RASSF5: variants seen among roughly 807,000 people sequenced by gnomAD.
The protein encoded by RASSF5 is ras association domain-containing protein 5.
RASSF5 carries 25 observed loss-of-function variants against 40.5 expected under a neutral mutation model. The ratio of observed to expected loss-of-function variants is 0.62; its 90% CI spans 0.45 to 0.86. The LOEUF (loss-of-function observed/expected upper bound fraction) is 0.86. Among genes scored for constraint, RASSF5 ranks in the 40% least tolerant of loss-of-function variants. RASSF5 has a pLI of 0.00. For synonymous variants in RASSF5, 246 were observed against 252.4 expected, an observed-to-expected ratio of 0.97 and a Z score of 0.24; for missense variants, 521 against 572.8, an observed-to-expected ratio of 0.91 and a Z score of 0.92.
chr1:206,581,553 C>T (rs1452555947), intron 2 of RASSF5, among the ~76,000 whole-genome samples: 2 of 151,296 alleles, frequency 1.3e-5, no homozygotes, highest in East Asian at 1.9e-4. Context: ...CAGCCAAGAT[C>T]GTGCCACTGC....
intron 1 of RASSF5, among the ~76,000 whole-genome samples, chr1:206,515,565 C>T (rs1351621638): frequency 6.6e-6 from 1 of 152,156 alleles, no homozygotes; most frequent in African/African-American, 2.4e-5. Context: ...CTAGAGGGGA[C>T]AGCTAGGGTG....
chr1:206,556,436 A>T (rs1667988374), intron 2 of RASSF5, among the ~76,000 whole-genome samples: 1 of 152,236 alleles, frequency 6.6e-6, no homozygotes, highest in African/African-American at 2.4e-5. Flanking sequence ...AATTGTCTTA[A>T]CTGCTTTGAA....
intron 1 of RASSF5, among the ~76,000 whole-genome samples, chr1:206,525,546 C>G (rs1667077704): frequency 6.6e-6 from 1 of 152,154 alleles, no homozygotes; most frequent in African/African-American, 2.4e-5. Context: ...GTAGCTGGGC[C>G]TACAGGCACA....
intron 2 of RASSF5, among the ~76,000 whole-genome samples, chr1:206,580,191 G>A (rs1252969640): frequency 1.3e-5 from 2 of 152,200 alleles, no homozygotes; most frequent in Non-Finnish European, 2.9e-5. Flanking sequence ...AAGGGGAACA[G>A]GAAGAAGAAA....
intron 2 of RASSF5, among the ~76,000 whole-genome samples, chr1:206,556,372 C>T (rs188891690): frequency 6.7e-4 from 102 of 152,344 alleles, no homozygotes; most frequent in African/African-American, 2.4e-3. Context: ...ATCACTTGCA[C>T]AGAGAGTTGT....
In RASSF5 at chr1:206,579,333, C is replaced by T. The variant is rs111556326; in HGVS notation, c.580-3936C>T. Among the ~76,000 whole-genome samples, 2,762 of 152,258 alleles carry T rather than the reference C, an allele frequency of 0.018. 86 individuals carry two copies. The highest frequency in any genetic ancestry group is 0.063 in the African/African-American group (2,614 of 41,524). The stretch of plus-strand genomic sequence containing the variant: ...TATTTGTTAAATCATAACAGAGTTC[C>T]CTATTCTGTCTCTATCTTGGGCCAC... On this transcript the variant is annotated intron_variant, in intron 2 of 5. Transcript: ENST00000579436. The surrounding 1 kb of genome is among the most constrained non-coding windows in gnomAD (Gnocchi z 4.2).
chr1:206,583,085 C>G, intron 2 of RASSF5, 184 bp from the exon 3 acceptor site: 1 of 544,986 alleles, frequency 1.8e-6, no homozygotes, highest in South Asian at 2.0e-5. Context: ...GGAGGGCTGG[C>G]TAGACACTGG....
chr1:206,587,039 T>C lies in RASSF5; in HGVS notation c.*61T>C. ...TTTATTTGTATTATTAATTATTATTTTGCAACAGACACTTTTTCTCAGGAC... is the reference window on the plus strand; with the variant it reads ...TTTATTTGTATTATTAATTATTATTCTGCAACAGACACTTTTTCTCAGGAC... On this transcript the variant is annotated 3_prime_UTR_variant, in exon 6 of 6. Transcript: ENST00000579436. 1 of 1,589,344 alleles carries C rather than the reference T, an allele frequency of 6.3e-7. No homozygotes were observed. The highest frequency in any genetic ancestry group is 8.6e-7 in the Non-Finnish European group (1 of 1,165,726).
chr1:206,514,857 T>C (rs1553395189), intron 1 of RASSF5, among the ~76,000 whole-genome samples: 1 of 152,236 alleles, frequency 6.6e-6, no homozygotes, highest in African/African-American at 2.4e-5. Context: ...GAGTTGAGAA[T>C]GGCAAAGAAA....
rs1473725807 is a variant in RASSF5, at chr1:206,587,317, GAAGA to G, written c.*343_*346del. ...ACCTCACACCAGCCGGCAAAGGAAG[GAAGA>G]AAGGTTTTAGAGCTGTGTGTTCTTT... On this transcript the variant is annotated 3_prime_UTR_variant, in exon 6 of 6. Coordinates refer to ENST00000579436, the MANE Select transcript of RASSF5 (RefSeq NM_182663.4). The G allele has an allele frequency of 1.1e-5, 4 of 352,322 alleles. No homozygotes were observed. Among genetic ancestry groups the G allele is most frequent in the Non-Finnish European group, 2.2e-5 (4 of 182,642 alleles). The allele number at this position is 352,322 out of a possible 1,614,324, so 21.8% of individuals were successfully genotyped here. A position where few individuals can be genotyped will look rare whatever the true frequency, so the allele number is the denominator to read the frequency against.
At chr1:206,577,206 T>G (rs1668688838) in intron 2 of RASSF5, among the ~76,000 whole-genome samples, 2 of 152,202 alleles carry the variant, frequency 1.3e-5, no homozygotes, top group Non-Finnish European at 2.9e-5. Flanking sequence ...CTGCGTGGCC[T>G]GCAAAACCTA....
At chr1:206,512,986 T>C (rs1253093431) in intron 1 of RASSF5, among the ~76,000 whole-genome samples, 1 of 152,240 alleles carries the variant, frequency 6.6e-6, no homozygotes, top group Non-Finnish European at 1.5e-5. Flanking sequence ...AGGAGTCACC[T>C]GCTGGCTTTG....
intron 1 of RASSF5, among the ~76,000 whole-genome samples, chr1:206,526,887 C>A (rs1395397159): frequency 1.3e-5 from 2 of 152,112 alleles, no homozygotes; most frequent in Non-Finnish European, 2.9e-5. Flanking sequence ...ATGACAGCTG[C>A]CATTTATTGA....
intron 2 of RASSF5, chr1:206,557,790 G>A (rs1668031907): frequency 2.2e-6 from 3 of 1,392,420 alleles, no homozygotes; most frequent in Non-Finnish European, 3.0e-6. Context: ...AAGGGACAAA[G>A]CCACATGTCA....
At chr1:206,553,073 G>A (rs773100813) in intron 2 of RASSF5, among the ~76,000 whole-genome samples, 4 of 152,080 alleles carry the variant, frequency 2.6e-5, no homozygotes, top group Non-Finnish European at 5.9e-5. Flanking sequence ...GTGGTGGCGG[G>A]CGCCTGTAGT....
intron 1 of RASSF5, among the ~76,000 whole-genome samples, chr1:206,514,609 T>C (rs1295664175): frequency 6.6e-6 from 1 of 152,234 alleles, no homozygotes; most frequent in Non-Finnish European, 1.5e-5. Flanking sequence ...GCAATGGCCA[T>C]TGGCTGGGGC....
chr1:206,585,029 G>A (rs1669053680), intron 4 of RASSF5, 151 bp from the exon 5 acceptor site: 2 of 669,508 alleles, frequency 3.0e-6, no homozygotes, highest in Admixed American at 2.4e-5. Flanking sequence ...TTATTGCCCT[G>A]TTCATTACTG....
At position 206,535,857 on chromosome 1, in the gene RASSF5, C is replaced by T. The variant is rs782082270; in HGVS notation, c.458-2315C>T. On this transcript the variant is annotated intron_variant, in intron 1 of 5. Transcript: ENST00000579436. The surrounding 1 kb of genome is among the most constrained non-coding windows in gnomAD (Gnocchi z 5.0). ...AGGAGGAGAGAGAAATTCCTCCTCT[C>T]CCAGGTGCCTTCCCATTTGTGAGTT... 1.4e-4 allele frequency among the ~76,000 whole-genome samples: 21 copies of T among 152,174 alleles called. No homozygotes were observed. The highest frequency in any genetic ancestry group is 2.5e-4 in the Non-Finnish European group (17 of 67,996).
chr1:206,585,384 G>A lies in RASSF5; in HGVS notation c.1104+89G>A, dbSNP rs1558525251. 5.5e-6 allele frequency: 5 copies of A among 916,962 alleles called. No homozygotes were observed. In the East Asian group the frequency reaches 9.6e-5, roughly 18 times the overall value. The allele number at this position is 916,962 out of a possible 1,614,324, so 56.8% of individuals were successfully genotyped here. ...TTGTCCTAACTACCTCACATAGGTG[G>A]GAGCCACGCAGCACGGGCAGGAAGG... On this transcript the variant is annotated intron_variant, in intron 5 of 5. Coordinates refer to ENST00000579436, the MANE Select transcript of RASSF5 (RefSeq NM_182663.4).
Sources: gnomAD v4.1 joint callset for allele counts (sites outside exome capture counted in the v4.1 genomes callset) on GRCh38, gnomAD v4.1.1 for gene constraint, Gnocchi (gnomAD v3.1) non-coding constraint, MANE v1.5 for transcripts, NCBI Gene and HGNC (gene_info 2026-07-23, HGNC 2026-07-21) for gene names.